Variants in SLC35F3 observed in about 807,000 individuals in gnomAD.
The protein encoded by SLC35F3 is solute carrier family 35 member F3.
A neutral mutation model predicts 49.9 loss-of-function variants in SLC35F3; 25 were observed. The ratio of observed to expected loss-of-function variants is 0.50; its 90% CI spans 0.37 to 0.70. The LOEUF is 0.70. Ranked by LOEUF, SLC35F3 falls within the 30% of genes least tolerant of loss-of-function variation. The probability of loss-of-function intolerance (pLI) is 0.00; values close to 1 mark genes in which losing one functional copy is unlikely to be tolerated. For missense variants in SLC35F3, 525 were observed against 639.8 expected, an observed-to-expected ratio of 0.82 and a Z score of 1.94; for synonymous variants, 275 against 265.4, an observed-to-expected ratio of 1.04 and a Z score of -0.35.
intron 2 of SLC35F3, among the ~76,000 whole-genome samples, chr1:233,950,824 C>T (rs1662595347): frequency 6.6e-6 from 1 of 152,112 alleles, no homozygotes; most frequent in Admixed American, 6.6e-5. Context: ...TGTCTTCCCT[C>T]ACTAACATGG....
intron 2 of SLC35F3, among the ~76,000 whole-genome samples, chr1:234,154,497 T>A (rs1478856714): frequency 6.6e-6 from 1 of 152,166 alleles, no homozygotes; most frequent in African/African-American, 2.4e-5. Context: ...GGAGAAACAG[T>A]TGCTTCCAAG....
At chr1:233,960,331 C>T (rs560610729) in intron 2 of SLC35F3, among the ~76,000 whole-genome samples, 5 of 152,292 alleles carry the variant, frequency 3.3e-5, no homozygotes, top group South Asian at 2.1e-4. Flanking sequence ...GCTCCTCACT[C>T]GCCTTTAGGT....
chr1:234,289,892 C>T (rs1458447053), intron 3 of SLC35F3, among the ~76,000 whole-genome samples: 1 of 152,128 alleles, frequency 6.6e-6, no homozygotes, highest in Non-Finnish European at 1.5e-5. Flanking sequence ...TAGCAAACAA[C>T]AACAAATGGT....
At chr1:234,190,662 A>G (rs193099674) in intron 2 of SLC35F3, among the ~76,000 whole-genome samples, 1 of 152,346 alleles carries the variant, frequency 6.6e-6, no homozygotes. Flanking sequence ...AATCATCAAG[A>G]CAGAAAGTCA....
chr1:234,016,899 G>A (rs1663809504), intron 2 of SLC35F3, among the ~76,000 whole-genome samples: 1 of 152,164 alleles, frequency 6.6e-6, no homozygotes, highest in Non-Finnish European at 1.5e-5. Context: ...GCAGATGGCA[G>A]GCAGTATAGC....
intron 2 of SLC35F3, among the ~76,000 whole-genome samples, chr1:234,166,213 C>G (rs141610476): frequency 1.2e-3 from 181 of 152,138 alleles, no homozygotes; most frequent in African/African-American, 4.1e-3. Flanking sequence ...ACAGAGAGTT[C>G]CCATATACCT....
At chr1:234,073,660 A>G (rs1296851438) in intron 2 of SLC35F3, among the ~76,000 whole-genome samples, 1 of 152,198 alleles carries the variant, frequency 6.6e-6, no homozygotes, top group Non-Finnish European at 1.5e-5. Flanking sequence ...ATCAATTTAA[A>G]TCACTTCCTC....
chr1:233,999,971 G>C (rs1238199637), intron 2 of SLC35F3, among the ~76,000 whole-genome samples: 1 of 152,108 alleles, frequency 6.6e-6, no homozygotes. Flanking sequence ...TTTATCATGA[G>C]AATGACCCCT....
At chr1:234,039,266 C>T (rs1664186634) in intron 2 of SLC35F3, among the ~76,000 whole-genome samples, 1 of 152,088 alleles carries the variant, frequency 6.6e-6, no homozygotes, top group African/African-American at 2.4e-5. Context: ...GAAAGAAAAT[C>T]CAGACAGGAG....
intron 3 of SLC35F3, among the ~76,000 whole-genome samples, chr1:234,301,777 A>G (rs1668696499): frequency 6.6e-6 from 1 of 152,224 alleles, no homozygotes; most frequent in African/African-American, 2.4e-5. Context: ...TAGCAAAGAC[A>G]TGGAACCAAC....
chr1:234,214,249 T>C lies in SLC35F3; in HGVS notation c.284-17168T>C, dbSNP rs1173448219. On this transcript the variant is annotated intron_variant, in intron 2 of 7. Coordinates refer to ENST00000366618, the MANE Select transcript of SLC35F3 (RefSeq NM_173508.4). This position sits in a 1 kb window ranked among gnomAD's most constrained non-coding sequence, Gnocchi z 8.0. Reference sequence around the variant, plus strand: ...TTGCAGCAACCTCCAAGTAGGAGGCTGTGCGCGCGTGTGTGTGGAGTGGCT... The same window carrying C: ...TTGCAGCAACCTCCAAGTAGGAGGCCGTGCGCGCGTGTGTGTGGAGTGGCT... 5.6e-6 allele frequency: 7 copies of C among 1,242,840 alleles called. No homozygotes were observed. The highest frequency in any genetic ancestry group is 7.0e-6 in the Non-Finnish European group (7 of 994,964). 77.0% of individuals were successfully genotyped at this position (1,242,840 alleles called of 1,614,324 possible).
rs57809897 is a variant in SLC35F3, at chr1:234,226,961, G to GCACA, written c.284-4434_284-4431dup. Among the ~76,000 whole-genome samples, 1,123 of 148,734 alleles carry GCACA rather than the reference G, an allele frequency of 7.6e-3. 15 individuals carry two copies. The highest frequency in any genetic ancestry group is 0.023 in the African/African-American group (939 of 40,320). On this transcript the variant is annotated intron_variant, in intron 2 of 7. Transcript: ENST00000366618. Reference sequence around the variant, plus strand: ...CCTGCACTGGCGTGCGCGCACGCGTGCACACACACACACACACACACACAC... The same window carrying GCACA: ...CCTGCACTGGCGTGCGCGCACGCGTGCACACACACACACACACACACACACACAC...
chr1:234,302,825 C>A (rs543165561), intron 3 of SLC35F3, among the ~76,000 whole-genome samples: 2 of 152,148 alleles, frequency 1.3e-5, no homozygotes, highest in Non-Finnish European at 2.9e-5. Context: ...CACATTTCAG[C>A]TTCAACCACA....
At chr1:234,298,342 C>A (rs916207899) in intron 3 of SLC35F3, among the ~76,000 whole-genome samples, 2 of 152,136 alleles carry the variant, frequency 1.3e-5, no homozygotes, top group Non-Finnish European at 1.5e-5. Flanking sequence ...GATCTTCCCC[C>A]ATATTTACCT....
At position 234,320,199 on chromosome 1, in the gene SLC35F3, C is replaced by T. The variant is rs762786015; in HGVS notation, c.1237+12C>T. On this transcript the variant is annotated intron_variant, in intron 7 of 7. Coordinates refer to ENST00000366618, the MANE Select transcript of SLC35F3 (RefSeq NM_173508.4). The surrounding 1 kb of genome is among the most constrained non-coding windows in gnomAD (Gnocchi z 4.8). ...ACCTGTGAATGCAGGTAAACCTATG[C>T]GGCTTTCTATATCTGCACATAAGCA... 8.1e-6 allele frequency: 13 copies of T among 1,601,172 alleles called. No individual in the cohort carries two copies. Among genetic ancestry groups the T allele is most frequent in the Middle Eastern group, 1.7e-4 (1 of 6,058 alleles).
chr1:234,181,943 C>CT (rs1465176259), intron 2 of SLC35F3, among the ~76,000 whole-genome samples: 2 of 152,148 alleles, frequency 1.3e-5, no homozygotes, highest in East Asian at 3.8e-4. Context: ...TAGTTATATT[C>CT]TATCATCTTC....
At chr1:234,309,923 T>C (rs1227801554) in intron 4 of SLC35F3, among the ~76,000 whole-genome samples, 7 of 152,200 alleles carry the variant, frequency 4.6e-5, no homozygotes, top group Non-Finnish European at 8.8e-5. Context: ...TCCCTTGAAT[T>C]ACCTCTCATT....
chr1:233,960,857 C>T (rs571489146), intron 2 of SLC35F3, among the ~76,000 whole-genome samples: 13 of 152,042 alleles, frequency 8.6e-5, no homozygotes, highest in Non-Finnish European at 1.6e-4. Flanking sequence ...TCATTTTCTC[C>T]ATTAGCTGAG....
chr1:234,279,952 A>C (rs1668277210), intron 3 of SLC35F3, among the ~76,000 whole-genome samples: 1 of 152,226 alleles, frequency 6.6e-6, no homozygotes, highest in African/African-American at 2.4e-5. Flanking sequence ...CAGATAGGAT[A>C]ACTCAATTCA....
Sources: gnomAD v4.1 joint callset for allele counts (sites outside exome capture counted in the v4.1 genomes callset) on GRCh38, gnomAD v4.1.1 for gene constraint, Gnocchi (gnomAD v3.1) non-coding constraint, MANE v1.5 for transcripts, NCBI Gene and HGNC (gene_info 2026-07-23, HGNC 2026-07-21) for gene names.